PTGER3: variants seen among roughly 807,000 people sequenced by gnomAD.
PTGER3 encodes the protein prostaglandin E receptor 3.
Under a neutral mutation model 34.7 loss-of-function variants are expected in PTGER3, and 22 were observed. That is an observed-to-expected ratio of 0.63 (90% CI 0.45 to 0.91). The LOEUF (loss-of-function observed/expected upper bound fraction) is 0.91, where lower values mean the gene tolerates loss of function less well. PTGER3 is among the 40% of genes least tolerant of loss of function. The probability of loss-of-function intolerance (pLI) is 0.00; values close to 1 mark genes in which losing one functional copy is unlikely to be tolerated. For missense variants in PTGER3, 468 were observed against 519.4 expected, an observed-to-expected ratio of 0.90 and a Z score of 0.96; for synonymous variants, 241 against 230.1, an observed-to-expected ratio of 1.05 and a Z score of -0.43.
At chr1:71,028,096 C>T (rs1358957053) in intron 1 of PTGER3, among the ~76,000 whole-genome samples, 2 of 152,172 alleles carry the variant, frequency 1.3e-5, no homozygotes, top group African/African-American at 4.8e-5. Flanking sequence ...ATTCATCCAT[C>T]TCCCCTGCTC....
At chr1:70,945,475 C>A (rs1024160174) in intron 4 of PTGER3, among the ~76,000 whole-genome samples, 5 of 152,120 alleles carry the variant, frequency 3.3e-5, no homozygotes, top group Admixed American at 1.3e-4. Context: ...AACTGGGATG[C>A]ATTCCAAGGA....
At chr1:70,875,663 T>C (rs1215566141) in intron 4 of PTGER3, among the ~76,000 whole-genome samples, 2 of 152,120 alleles carry the variant, frequency 1.3e-5, no homozygotes, top group Non-Finnish European at 2.9e-5. Flanking sequence ...CTGATATTCC[T>C]TTCTTTATGG....
At chr1:71,003,774 A>G (rs892659240) in intron 2 of PTGER3, among the ~76,000 whole-genome samples, 1 of 152,250 alleles carries the variant, frequency 6.6e-6, no homozygotes, top group African/African-American at 2.4e-5. Flanking sequence ...ACTTAGTTCC[A>G]GTTTTAGGTT....
intron 4 of PTGER3, among the ~76,000 whole-genome samples, chr1:70,853,367 T>C (rs1278023926): frequency 6.6e-6 from 1 of 152,198 alleles, no homozygotes; most frequent in Non-Finnish European, 1.5e-5. Flanking sequence ...AGGCATTCTA[T>C]AGAACAACTA....
intron 1 of PTGER3, among the ~76,000 whole-genome samples, chr1:71,035,622 A>G (rs973447254): frequency 6.6e-6 from 1 of 152,256 alleles, no homozygotes; most frequent in African/African-American, 2.4e-5. Flanking sequence ...GTCTTAAAAC[A>G]TGAAGCAGAT....
intron 4 of PTGER3, among the ~76,000 whole-genome samples, chr1:70,945,379 C>G (rs1254336389): frequency 6.6e-6 from 1 of 152,032 alleles, no homozygotes; most frequent in Non-Finnish European, 1.5e-5. Flanking sequence ...CTTGAAAATA[C>G]CTGCTTTCAA....
Position 70,971,634 on chromosome 1 carries a change from C to T in PTGER3, c.*96G>A. On this transcript the variant is annotated 3_prime_UTR_variant, in exon 4 of 4. Transcript: ENST00000306666. ...AAAAGATAAAAATGAAGAAATAATC[C>T]AAATTAAAATATATAATTATCCTTC... The T allele has an allele frequency of 7.0e-7, 1 of 1,429,676 alleles. No homozygotes were observed. Among genetic ancestry groups the T allele is most frequent in the South Asian group, 1.7e-5 (1 of 58,650 alleles). The allele number at this position is 1,429,676 out of a possible 1,614,324, so 88.6% of individuals were successfully genotyped here. A position where few individuals can be genotyped will look rare whatever the true frequency, so the allele number is the denominator to read the frequency against.
At chr1:71,009,018 T>C in intron 2 of PTGER3, 1 of 984,280 alleles carries the variant, frequency 1.0e-6, no homozygotes, top group Non-Finnish European at 1.2e-6. Context: ...TTTTTCTGAG[T>C]TGATCTCAAC....
intron 2 of PTGER3, chr1:71,010,981 A>C (rs1383095274): frequency 1.0e-6 from 1 of 985,718 alleles, no homozygotes; most frequent in East Asian, 1.1e-4. Flanking sequence ...ACTGCAAATG[A>C]AAATCTTCAC....
intron 4 of PTGER3, among the ~76,000 whole-genome samples, chr1:70,906,297 GAATTAT>G (rs765599522): frequency 6.6e-5 from 10 of 152,268 alleles, no homozygotes; most frequent in African/African-American, 1.4e-4. Flanking sequence ...TGCAAAATGT[GAATTAT>G]AATTATGAGA....
chr1:70,925,225 G>C (rs868440606), intron 4 of PTGER3, among the ~76,000 whole-genome samples: 31 of 152,268 alleles, frequency 2.0e-4, no homozygotes, highest in Middle Eastern at 3.4e-3. Flanking sequence ...GTCTGGTCTT[G>C]AACTCCTGAC....
intron 1 of PTGER3, among the ~76,000 whole-genome samples, chr1:71,046,149 G>C (rs548160815): frequency 6.6e-6 from 1 of 151,668 alleles, no homozygotes; most frequent in South Asian, 2.1e-4. Context: ...GCCGGGCGTG[G>C]TGGCGGGCGC....
chr1:71,004,661 T>G (rs1274659101), intron 2 of PTGER3, among the ~76,000 whole-genome samples: 1 of 152,228 alleles, frequency 6.6e-6, no homozygotes, highest in Non-Finnish European at 1.5e-5. Flanking sequence ...AGACTCACTT[T>G]AGGTATCACT....
intron 4 of PTGER3, among the ~76,000 whole-genome samples, chr1:70,929,548 A>G (rs17090682): frequency 0.024 from 3,667 of 152,288 alleles, 78 homozygotes; most frequent in Non-Finnish European, 0.036. Context: ...TGTACAAAAT[A>G]ACATTGCTTT....
At chr1:70,873,650 CTTTT>C (rs749236688) in intron 4 of PTGER3, among the ~76,000 whole-genome samples, 2 of 135,604 alleles carry the variant, frequency 1.5e-5, no homozygotes, top group Non-Finnish European at 1.6e-5. Flanking sequence ...ATGTGAGGTG[CTTTT>C]TTTTTTTTTT....
intron 2 of PTGER3, among the ~76,000 whole-genome samples, chr1:70,981,259 T>C (rs1459233768): frequency 6.6e-6 from 1 of 152,024 alleles, no homozygotes; most frequent in Non-Finnish European, 1.5e-5. Context: ...TCCTTTTTTT[T>C]CTTTTCTTTT....
At chr1:71,041,038 G>GTATC in intron 1 of PTGER3, among the ~76,000 whole-genome samples, 1 of 152,314 alleles carries the variant, frequency 6.6e-6, no homozygotes, top group South Asian at 2.1e-4. Flanking sequence ...ATGTATCTCA[G>GTATC]TCATATGCTG....
chr1:70,979,285 T>A (rs1654015894), intron 2 of PTGER3, among the ~76,000 whole-genome samples: 1 of 151,958 alleles, frequency 6.6e-6, no homozygotes, highest in Non-Finnish European at 1.5e-5. Flanking sequence ...TGAGTAGATA[T>A]TATTTCTATT....
intron 4 of PTGER3, among the ~76,000 whole-genome samples, chr1:70,927,742 G>C (rs1202852872): frequency 6.6e-6 from 1 of 152,130 alleles, no homozygotes; most frequent in Non-Finnish European, 1.5e-5. Context: ...GGAGACTCTG[G>C]AGAAACTCTC....
Sources: gnomAD v4.1 joint callset for allele counts (sites outside exome capture counted in the v4.1 genomes callset) on GRCh38, gnomAD v4.1.1 for gene constraint, MANE v1.5 for transcripts, NCBI Gene and HGNC (gene_info 2026-07-23, HGNC 2026-07-21) for gene names.